The following BICD1 variants were observed in gnomAD, a reference collection of about 807,000 sequenced individuals.
BICD1 encodes the protein BICD cargo adaptor 1, also known as protein bicaudal D homolog 1.
In BICD1, 35 loss-of-function variants were observed where a neutral mutation model predicts 92.5. That is an observed-to-expected ratio of 0.38 (90% confidence interval 0.29 to 0.50). The LOEUF (loss-of-function observed/expected upper bound fraction) is 0.50. Among genes scored for constraint, BICD1 ranks in the 20% least tolerant of loss-of-function variants. The pLI is 0.93. For missense variants in BICD1, 950 were observed against 1,189.8 expected (o/e 0.80, Z 2.97); for synonymous variants, 429 against 465.1 (o/e 0.92, Z 1.00).
intron 1 of BICD1, among the ~76,000 whole-genome samples, chr12:32,210,923 A>G (rs1945196563): frequency 6.6e-6 from 1 of 152,226 alleles, no homozygotes; most frequent in Admixed American, 6.5e-5. Flanking sequence ...GTCAGGAGAT[A>G]CTCAGGAGGT....
rs112868471 is a variant in BICD1 at position 32,234,671 on chromosome 12, C to CTT, written c.426+18228_426+18229dup. Among the ~76,000 whole-genome samples the CTT allele has an allele frequency of 4.3e-4, 52 of 120,738 alleles. 2 individuals carry two copies. Among genetic ancestry groups the CTT allele is most frequent in the African/African-American group, 7.3e-4 (22 of 30,292 alleles). The allele number at this position is 120,738 out of a possible 152,430, so 79.2% of individuals were successfully genotyped here. A position where few individuals can be genotyped will look rare whatever the true frequency, so the allele number is the denominator to read the frequency against. ...ACTAAACACCACTTTTTTTTTCTTTCTTTTTTTTTTTTTTTTTCTGGAGTT... is the reference window on the plus strand; with the variant it reads ...ACTAAACACCACTTTTTTTTTCTTTCTTTTTTTTTTTTTTTTTTTCTGGAGTT... On this transcript the variant is annotated intron_variant, in intron 2 of 9. Transcript: ENST00000652176.
In BICD1 at chr12:32,242,871, G is replaced by A. The variant is rs139838925; in HGVS notation, c.426+26412G>A. Among the ~76,000 whole-genome samples, 375 of 152,172 alleles carry A rather than the reference G, an allele frequency of 2.5e-3. 3 individuals carry two copies. Among genetic ancestry groups the A allele is most frequent in the African/African-American group, 8.5e-3 (355 of 41,524 alleles). The stretch of plus-strand genomic sequence containing the variant: ...TTTAACACTGGCTATGCACATGTTA[G>A]CTGAATAACCTTAGGCAAGTAAATT... On this transcript the variant is annotated intron_variant, in intron 2 of 9. Coordinates refer to ENST00000652176, the MANE Select transcript of BICD1 (RefSeq NM_001714.4).
At position 32,185,979 on chromosome 12, in the gene BICD1, A is replaced by C. The variant is rs201531790; in HGVS notation, c.214-30268A>C. On this transcript the variant is annotated intron_variant, in intron 1 of 9. Coordinates refer to ENST00000652176, the MANE Select transcript of BICD1 (RefSeq NM_001714.4). ...ATTATGAGGAGGAATGACGTGTGGC[A>C]CTTCCAGACCTAGCTCACAAACGTG... is the stretch of plus-strand genomic sequence containing the variant. 2.0e-3 allele frequency among the ~76,000 whole-genome samples: 297 copies of C among 152,248 alleles called. 2 individuals are homozygous for C. The highest frequency in any genetic ancestry group is 4.1e-3 in the East Asian group (21 of 5,180).
chr12:32,156,736 C>T (rs956438324), intron 1 of BICD1, among the ~76,000 whole-genome samples: 12 of 152,148 alleles, frequency 7.9e-5, no homozygotes, highest in South Asian at 2.1e-4. Flanking sequence ...ATTTACCCCA[C>T]GGAGGAGATG....
At chr12:32,256,315 G>C (rs917418074) in intron 2 of BICD1, among the ~76,000 whole-genome samples, 6 of 152,276 alleles carry the variant, frequency 3.9e-5, no homozygotes, top group Non-Finnish European at 7.4e-5. Flanking sequence ...CTTCAAAAAT[G>C]CTGGGATTAC....
At chr12:32,278,864 AAAATAAATAAAT>A (rs59177126) in intron 2 of BICD1, among the ~76,000 whole-genome samples, 3 of 150,328 alleles carry the variant, frequency 2.0e-5, no homozygotes, top group Non-Finnish European at 3.0e-5. Context: ...TCAAAGAAAT[AAAATAAATAAAT>A]AAATAAATAA....
intron 2 of BICD1, among the ~76,000 whole-genome samples, chr12:32,281,295 C>A (rs1360579075): frequency 6.6e-6 from 1 of 152,144 alleles, no homozygotes; most frequent in East Asian, 1.9e-4. Flanking sequence ...GTTGTTAAGT[C>A]TGGATTGCCC....
intron 8 of BICD1, among the ~76,000 whole-genome samples, chr12:32,342,421 AT>A (rs1486908728): frequency 6.6e-6 from 1 of 151,112 alleles, no homozygotes; most frequent in Non-Finnish European, 1.5e-5. Context: ...CACCTGGCTA[AT>A]TTTTTGTATT....
intron 2 of BICD1, among the ~76,000 whole-genome samples, chr12:32,240,257 T>A (rs772660151): frequency 6.6e-6 from 1 of 152,174 alleles, no homozygotes; most frequent in Non-Finnish European, 1.5e-5. Flanking sequence ...GTACTATGAA[T>A]TTTATGGCTG....
chr12:32,220,742 G>C (rs984732016), intron 2 of BICD1, among the ~76,000 whole-genome samples: 1 of 145,658 alleles, frequency 6.9e-6, no homozygotes. Context: ...TCCCATTACT[G>C]GGTATATACC....
At chr12:32,171,831 G>A (rs934031429) in intron 1 of BICD1, among the ~76,000 whole-genome samples, 12 of 151,884 alleles carry the variant, frequency 7.9e-5, no homozygotes, top group African/African-American at 2.7e-4. Flanking sequence ...CTACTTGGGA[G>A]GCTGAGGCAG....
intron 8 of BICD1, chr12:32,340,359 T>C (rs1938316162): frequency 1.0e-6 from 1 of 985,316 alleles, no homozygotes; most frequent in Non-Finnish European, 1.2e-6. Context: ...GATTTCCTAT[T>C]GTTTTAGACC....
chr12:32,378,865 T>A lies in BICD1; in HGVS notation c.*1238T>A, dbSNP rs185152158. On this transcript the variant is annotated 3_prime_UTR_variant, in exon 10 of 10. Transcript: ENST00000652176. Reference sequence around the variant, plus strand: ...GAGATAATACATGTTCCTGGTTAATTTACAGATTCTGCTGGGTAACTTTTA... The same window carrying A: ...GAGATAATACATGTTCCTGGTTAATATACAGATTCTGCTGGGTAACTTTTA... The A allele has an allele frequency of 6.6e-6, 1 of 152,336 alleles. No homozygotes were observed. The highest frequency in any genetic ancestry group is 2.4e-5 in the African/African-American group (1 of 41,578). 9.4% of individuals were successfully genotyped at this position (152,336 alleles called of 1,614,324 possible). A position where few individuals can be genotyped will look rare whatever the true frequency, so the allele number is the denominator to read the frequency against.
chr12:32,198,330 C>CTATATATATATATATATATA (rs749446989), intron 1 of BICD1, among the ~76,000 whole-genome samples: 1 of 117,776 alleles, frequency 8.5e-6, no homozygotes, highest in African/African-American at 3.2e-5. Context: ...ATGCATCTAT[C>CTATATATATATATATATATA]TATATATATA....
Position 32,328,137 on chromosome 12 carries a change from C to CA in BICD1, c.1683dup (p.Arg562ThrfsTer18). The CA allele has an allele frequency of 6.2e-7, 1 of 1,614,048 alleles. No homozygotes were observed. On this transcript the variant is annotated frameshift_variant, in exon 5 of 10. Coordinates refer to ENST00000652176, the MANE Select transcript of BICD1 (RefSeq NM_001714.4). LOFTEE classifies it high-confidence loss of function. The surrounding 1 kb of genome is among the most constrained non-coding windows in gnomAD (Gnocchi z 4.4). ...GATGATCCCAGAGGACTTTTGTCCCCACGATTAGCCAGGCGGGGTGTGTCA... is the reference window on the plus strand; with the variant it reads ...GATGATCCCAGAGGACTTTTGTCCCCAACGATTAGCCAGGCGGGGTGTGTCA...
intron 5 of BICD1, among the ~76,000 whole-genome samples, chr12:32,333,861 A>T (rs1407567111): frequency 6.6e-6 from 1 of 152,218 alleles, no homozygotes; most frequent in Non-Finnish European, 1.5e-5. Flanking sequence ...CTCATTCAAC[A>T]TTTTATAACC....
intron 1 of BICD1, among the ~76,000 whole-genome samples, chr12:32,160,299 T>C (rs1943562858): frequency 1.3e-5 from 2 of 152,354 alleles, no homozygotes; most frequent in South Asian, 4.1e-4. Flanking sequence ...ATGCCTTCCA[T>C]GGCCTGTTTT....
At chr12:32,130,471 G>A (rs570590174) in intron 1 of BICD1, among the ~76,000 whole-genome samples, 5 of 152,214 alleles carry the variant, frequency 3.3e-5, no homozygotes, top group Admixed American at 2.6e-4. Context: ...GATTACAGGC[G>A]TGAGCCACCA....
At chr12:32,237,258 G>A (rs1026739203) in intron 2 of BICD1, among the ~76,000 whole-genome samples, 2 of 152,158 alleles carry the variant, frequency 1.3e-5, no homozygotes, top group Non-Finnish European at 2.9e-5. Flanking sequence ...CTTGCAGAAG[G>A]AAAGCTTGAA....
Sources: allele counts gnomAD v4.1 joint callset (sites outside exome capture counted in the v4.1 genomes callset), GRCh38; gene constraint gnomAD v4.1.1; non-coding constraint Gnocchi (gnomAD v3.1); transcripts MANE v1.5; gene names NCBI Gene and HGNC (gene_info 2026-07-23, HGNC 2026-07-21).